The following TRIO variants were observed in gnomAD, a reference collection of about 807,000 sequenced individuals.
TRIO encodes triple functional domain protein.
Under a neutral mutation model 351.9 loss-of-function variants are expected in TRIO, and 58 were observed. The ratio of observed to expected loss-of-function variants is 0.16; its 90% CI spans 0.13 to 0.21. The LOEUF is 0.21. Ranked by LOEUF, TRIO falls within the 10% of genes least tolerant of loss-of-function variation. The probability of loss-of-function intolerance (pLI) is 1.00; values close to 1 mark genes in which losing one functional copy is unlikely to be tolerated. For synonymous variants in TRIO, 1,758 were observed against 1,595.7 expected, an observed-to-expected ratio of 1.10 and a Z score of -2.42; for missense variants, 3,201 against 4,027.8, an observed-to-expected ratio of 0.79 and a Z score of 5.56.
At chr5:14,272,703 C>T (rs971231420) in intron 2 of TRIO, among the ~76,000 whole-genome samples, 1 of 152,126 alleles carries the variant, frequency 6.6e-6, no homozygotes, top group Non-Finnish European at 1.5e-5. Context: ...AGCAAAATGA[C>T]GTTAGTAGGT....
At chr5:14,247,853 G>A (rs1192189524) in intron 1 of TRIO, among the ~76,000 whole-genome samples, 1 of 152,110 alleles carries the variant, frequency 6.6e-6, no homozygotes, top group East Asian at 1.9e-4. Flanking sequence ...AGATCACGAG[G>A]TCAGGAGTTC....
intron 1 of TRIO, 115 bp downstream of exon 1, chr5:14,143,997 C>T (rs1787334012): frequency 2.5e-6 from 2 of 804,280 alleles, no homozygotes. Flanking sequence ...GTCCGTCCGT[C>T]GGGGCCCGCA....
chr5:14,350,979 A>G (rs114147132), intron 11 of TRIO, among the ~76,000 whole-genome samples: 8,699 of 152,146 alleles, frequency 0.057, 296 homozygotes, highest in African/African-American at 0.087. Context: ...CGCATGCACA[A>G]TTCACAGTAG....
chr5:14,405,891 G>C lies in TRIO; in HGVS notation c.4760G>C (p.Arg1587Pro). 6.2e-7 allele frequency: 1 copy of C among 1,613,942 alleles called. No individual in the cohort carries two copies. Among genetic ancestry groups the C allele is most frequent in the Non-Finnish European group, 8.5e-7 (1 of 1,180,018 alleles). ...ENKQDWIKHIREVIQERTIHL... is the reference protein window; with the variant it reads ...ENKQDWIKHIPEVIQERTIHL... ...AAGCAGGACTGGATAAAGCATATCCGCGAAGTCATCCAGGAGCGGACGATC... is the reference window on the plus strand; with the variant it reads ...AAGCAGGACTGGATAAAGCATATCCCCGAAGTCATCCAGGAGCGGACGATC... The change falls in exon 32 of 57, where the codon CGC becomes CCC. Residue 1587 changes from arginine to proline, a missense_variant. Around this residue, in one of 19 missense-constraint regions of TRIO, gnomAD observed 136 missense variants for 229.5 expected, o/e 0.59. Transcript: ENST00000344204.
chr5:14,362,017 G>A (rs1465414438), intron 13 of TRIO, among the ~76,000 whole-genome samples: 2 of 152,182 alleles, frequency 1.3e-5, no homozygotes, highest in African/African-American at 2.4e-5. Context: ...GGGAGACTGA[G>A]ACAGGAGAAT....
chr5:14,164,668 A>T (rs1788662399), intron 1 of TRIO, among the ~76,000 whole-genome samples: 1 of 152,200 alleles, frequency 6.6e-6, no homozygotes, highest in African/African-American at 2.4e-5. Context: ...CTTATTTCTC[A>T]TTAGTAGGGA....
rs144030772 is a variant in TRIO, at chr5:14,312,281, T to G, written c.1501-4232T>G. ...TAAATATTCAAGAAGCAGCCCATTG[T>G]TCTACATTTTAAATAGTTATACTAC... is the stretch of plus-strand genomic sequence containing the variant. On this transcript the variant is annotated intron_variant, in intron 8 of 56. Coordinates refer to ENST00000344204, the MANE Select transcript of TRIO (RefSeq NM_007118.4). Among the ~76,000 whole-genome samples the G allele has an allele frequency of 7.2e-5, 11 of 152,360 alleles. No individual in the cohort carries two copies. The East Asian group carries it at 2.1e-3, about 29-fold the overall frequency.
intron 33 of TRIO, among the ~76,000 whole-genome samples, chr5:14,415,484 C>T (rs971926120): frequency 1.3e-5 from 2 of 152,148 alleles, no homozygotes; most frequent in East Asian, 1.9e-4. Flanking sequence ...CAAAGGAAGA[C>T]GTGACAACTC....
chr5:14,250,513 C>T (rs1267318132), intron 1 of TRIO, among the ~76,000 whole-genome samples: 1 of 152,162 alleles, frequency 6.6e-6, no homozygotes, highest in Non-Finnish European at 1.5e-5. Context: ...CACAAATTAG[C>T]ACTAGGGGAG....
At chr5:14,505,648 C>G (rs868108746) in intron 55 of TRIO, among the ~76,000 whole-genome samples, 2 of 152,110 alleles carry the variant, frequency 1.3e-5, no homozygotes, top group Non-Finnish European at 2.9e-5. Flanking sequence ...AAATGCCTCC[C>G]CATACCCTTC....
intron 36 of TRIO, among the ~76,000 whole-genome samples, chr5:14,463,548 C>A (rs1753991228): frequency 6.6e-6 from 1 of 152,102 alleles, no homozygotes; most frequent in Non-Finnish European, 1.5e-5. Flanking sequence ...TTTGTCAGCC[C>A]AATTGTAGAG....
chr5:14,334,304 A>G (rs1335602561), intron 10 of TRIO, among the ~76,000 whole-genome samples: 1 of 152,198 alleles, frequency 6.6e-6, no homozygotes, highest in Non-Finnish European at 1.5e-5. Flanking sequence ...CAGGGGTTTC[A>G]GAGGCACGAG....
At chr5:14,394,255 A>G in intron 28 of TRIO, 125 bp downstream of exon 28, 2 of 601,760 alleles carry the variant, frequency 3.3e-6, no homozygotes, top group Non-Finnish European at 5.6e-6. Context: ...TTACTTTTTA[A>G]TTCATTAGTA....
intron 1 of TRIO, among the ~76,000 whole-genome samples, chr5:14,182,661 TC>T (rs1789859467): frequency 6.6e-6 from 1 of 152,352 alleles, no homozygotes; most frequent in Non-Finnish European, 1.5e-5. Flanking sequence ...CTGTACTTTT[TC>T]TCTGATTAAA....
chr5:14,431,219 T>C (rs1303795308), intron 34 of TRIO, among the ~76,000 whole-genome samples: 1 of 152,178 alleles, frequency 6.6e-6, no homozygotes, highest in Non-Finnish European at 1.5e-5. Flanking sequence ...GCTGGCTGCC[T>C]GGGGCTTCTG....
intron 54 of TRIO, among the ~76,000 whole-genome samples, chr5:14,503,967 G>A (rs986934261): frequency 3.9e-5 from 6 of 152,248 alleles, no homozygotes; most frequent in Admixed American, 6.5e-5. Context: ...CAGGGGCGAG[G>A]CTGAGGCAGT....
intron 1 of TRIO, among the ~76,000 whole-genome samples, chr5:14,267,274 G>A (rs1223368202): frequency 6.6e-6 from 1 of 152,032 alleles, no homozygotes; most frequent in African/African-American, 2.4e-5. Context: ...AAACCCCCCT[G>A]GTGGCACTGA....
intron 52 of TRIO, 77 bp from the exon 53 acceptor site, chr5:14,498,442 C>A: frequency 4.5e-6 from 7 of 1,552,094 alleles, no homozygotes; most frequent in Non-Finnish European, 6.1e-6. Flanking sequence ...TTCCCTTGAT[C>A]CTGAAGGAGG....
chr5:14,315,521 G>C (rs1014388688), intron 8 of TRIO, among the ~76,000 whole-genome samples: 3 of 152,132 alleles, frequency 2.0e-5, no homozygotes, highest in African/African-American at 7.2e-5. Context: ...AAAGTGCTGG[G>C]ATTACAGGCG....
Sources: gnomAD v4.1 joint callset for allele counts (sites outside exome capture counted in the v4.1 genomes callset) on GRCh38, gnomAD v4.1.1 for gene constraint, gnomAD v4.1.1 regional missense constraint, MANE v1.5 for transcripts, NCBI Gene and HGNC (gene_info 2026-07-23, HGNC 2026-07-21) for gene names.